The following OSBPL6 variants were observed in gnomAD, a reference collection of about 807,000 sequenced individuals.
OSBPL6 encodes oxysterol binding protein like 6.
OSBPL6 carries 49 observed loss-of-function variants against 125.8 expected under a neutral mutation model. That is an observed-to-expected ratio of 0.39 (90% CI 0.31 to 0.49). The LOEUF is 0.49. Ranked by LOEUF, OSBPL6 falls within the 20% of genes least tolerant of loss-of-function variation. The pLI is 0.88. For missense variants in OSBPL6, 986 were observed against 1,135.4 expected (o/e 0.87, Z 1.89); for synonymous variants, 394 against 391.8 (o/e 1.01, Z -0.07).
At chr2:178,317,122 A>G (rs926350455) in intron 3 of OSBPL6, among the ~76,000 whole-genome samples, 2 of 152,090 alleles carry the variant, frequency 1.3e-5, no homozygotes, top group Non-Finnish European at 2.9e-5. Flanking sequence ...AGGTCATATT[A>G]TATGAGTTTG....
At chr2:178,289,820 CTT>C (rs1465949377) in intron 2 of OSBPL6, among the ~76,000 whole-genome samples, 2 of 147,156 alleles carry the variant, frequency 1.4e-5, no homozygotes, top group South Asian at 4.4e-4. Flanking sequence ...TGTTACTTAA[CTT>C]TTTTCTCTAT....
intron 1 of OSBPL6, among the ~76,000 whole-genome samples, chr2:178,254,934 A>C (rs181319660): frequency 6.6e-6 from 1 of 152,228 alleles, no homozygotes; most frequent in African/African-American, 2.4e-5. Flanking sequence ...ACAGTTTCAC[A>C]TGGCTGGGGA....
chr2:178,395,419 C>A (rs891163425), intron 24 of OSBPL6, 32 bp from the exon 25 acceptor site: 1 of 1,497,680 alleles, frequency 6.7e-7, no homozygotes, highest in Non-Finnish European at 9.3e-7. Context: ...TGATGTGATT[C>A]ATGACTAATG....
chr2:178,382,130 C>G (rs1694537139), intron 15 of OSBPL6, among the ~76,000 whole-genome samples: 1 of 152,154 alleles, frequency 6.6e-6, no homozygotes. Flanking sequence ...TTGCACCAAC[C>G]TGAAACATTC....
At chr2:178,389,304 TAG>T in intron 21 of OSBPL6, 151 bp downstream of exon 21, 2 of 800,868 alleles carry the variant, frequency 2.5e-6, no homozygotes, top group South Asian at 2.4e-5. Flanking sequence ...AACAAACTGA[TAG>T]AGTTTCTCAA....
intron 8 of OSBPL6, among the ~76,000 whole-genome samples, chr2:178,334,314 T>C (rs1689485354): frequency 6.6e-6 from 1 of 152,318 alleles, no homozygotes; most frequent in South Asian, 2.1e-4. Context: ...TCTGCTTTTC[T>C]TTGCTTACAC....
Position 178,194,535 on chromosome 2 carries a change from G to A in OSBPL6, c.-490G>A, listed in dbSNP as rs910672110. 1.1e-4 allele frequency: 17 copies of A among 152,070 alleles called. No individual in the cohort carries two copies. The highest frequency in any genetic ancestry group is 3.9e-4 in the African/African-American group (16 of 41,416). The allele number at this position is 152,070 out of a possible 1,614,324, so 9.4% of individuals were successfully genotyped here. ...CTGTCGGTGCTGGAGATCGCGGCTC[G>A]GTGCAGGCGGCGCCCATGCCTCCTC... On this transcript the variant is annotated 5_prime_UTR_variant, in exon 1 of 25. Coordinates refer to ENST00000190611, the MANE Select transcript of OSBPL6 (RefSeq NM_032523.4).
At chr2:178,349,488 G>A (rs1258960144) in intron 12 of OSBPL6, 99 bp downstream of exon 12, 14 of 1,401,464 alleles carry the variant, frequency 1.0e-5, no homozygotes, top group Non-Finnish European at 1.4e-5. Flanking sequence ...ATGATAGAAA[G>A]ATTAAATGGT....
At chr2:178,352,946 G>A (rs1019837382) in intron 12 of OSBPL6, among the ~76,000 whole-genome samples, 2 of 152,214 alleles carry the variant, frequency 1.3e-5, no homozygotes, top group African/African-American at 4.8e-5. Flanking sequence ...TTGATACCCA[G>A]TCAAATGGTC....
intron 12 of OSBPL6, among the ~76,000 whole-genome samples, chr2:178,356,294 A>G (rs1691785057): frequency 6.6e-6 from 1 of 152,170 alleles, no homozygotes; most frequent in African/African-American, 2.4e-5. Context: ...GAGGAAGTCA[A>G]ATTGTCCCTG....
chr2:178,222,240 T>C (rs1459182758), intron 1 of OSBPL6, among the ~76,000 whole-genome samples: 1 of 152,248 alleles, frequency 6.6e-6, no homozygotes, highest in Non-Finnish European at 1.5e-5. Context: ...TTCATTCATC[T>C]ACCTAAAATC....
rs762576218 is a variant in OSBPL6, at chr2:178,339,721, G to A, written c.944G>A (p.Trp315Ter). 2 of 1,605,454 alleles carry A rather than the reference G, an allele frequency of 1.2e-6. No individual in the cohort carries two copies. The highest frequency in any genetic ancestry group is 1.7e-5 in the Admixed American group (1 of 58,554). ...SKKDKRVTRR[W>*]RTKSVSKDTK... ...AAAGACAAGCGGGTCACAAGACGAT[G>A]GAGAACAAAAAGTGTCAGCAAAGAT... is the stretch of plus-strand genomic sequence containing the variant. The change falls in exon 11 of 25, where the codon TGG becomes TAG. Residue 315 changes from tryptophan to a stop codon, truncating the protein, a stop_gained. Transcript: ENST00000190611. LOFTEE classifies it high-confidence loss of function.
rs1487815421 is a variant in OSBPL6, at chr2:178,201,045, C to T, written c.-351+6371C>T. On this transcript the variant is annotated intron_variant, in intron 1 of 24. Transcript: ENST00000190611. ...TCCTGACCTTGTGATCTGCCCACCT[C>T]AGCCTCCAAAAGTGCTGGGATTACA... Among the ~76,000 whole-genome samples, 12 of 152,116 alleles carry T rather than the reference C, an allele frequency of 7.9e-5. No homozygotes were observed. The East Asian group carries it at 9.8e-4, about 12-fold the overall frequency.
chr2:178,225,119 T>C (rs936391887), intron 1 of OSBPL6, among the ~76,000 whole-genome samples: 1 of 151,902 alleles, frequency 6.6e-6, no homozygotes, highest in Non-Finnish European at 1.5e-5. Context: ...TTTTAGTTGC[T>C]CTAATAAGCT....
intron 3 of OSBPL6, among the ~76,000 whole-genome samples, chr2:178,317,503 C>A (rs1278485298): frequency 7.4e-6 from 1 of 135,904 alleles, no homozygotes; most frequent in African/African-American, 2.7e-5. Context: ...ATTCATTCAG[C>A]AAACATTTAT....
chr2:178,244,288 T>C (rs765196634), intron 1 of OSBPL6, among the ~76,000 whole-genome samples: 8 of 152,208 alleles, frequency 5.3e-5, no homozygotes, highest in Non-Finnish European at 1.2e-4. Flanking sequence ...CCCCTAGAAC[T>C]ACTATAACTT....
intron 1 of OSBPL6, among the ~76,000 whole-genome samples, chr2:178,274,014 CTTTACA>C (rs1256036847): frequency 6.6e-6 from 1 of 152,136 alleles, no homozygotes; most frequent in Non-Finnish European, 1.5e-5. Flanking sequence ...AGCATTTTCC[CTTTACA>C]TTGGGCACGT....
At chr2:178,251,324 A>G (rs2091685619) in intron 1 of OSBPL6, among the ~76,000 whole-genome samples, 1 of 151,254 alleles carries the variant, frequency 6.6e-6, no homozygotes, top group East Asian at 1.9e-4. Flanking sequence ...CTCTGTCAGT[A>G]TTATAAAGTC....
chr2:178,195,686 T>C (rs1437561453), intron 1 of OSBPL6, among the ~76,000 whole-genome samples: 1 of 152,226 alleles, frequency 6.6e-6, no homozygotes, highest in Non-Finnish European at 1.5e-5. Flanking sequence ...GTGAACCCAC[T>C]GGGTTGCCAG....
Sources: allele counts gnomAD v4.1 joint callset (sites outside exome capture counted in the v4.1 genomes callset), GRCh38; gene constraint gnomAD v4.1.1; transcripts MANE v1.5; gene names NCBI Gene and HGNC (gene_info 2026-07-23, HGNC 2026-07-21).